BLTP1: variants seen among roughly 807,000 people sequenced by gnomAD.
BLTP1 encodes the protein bridge-like lipid transfer protein family member 1, also known as fragile site-associated protein.
At chr4:122,182,909 A>G in the BLTP1 span, 4 of 985,116 alleles carry the variant, frequency 4.1e-6, no homozygotes, top group Non-Finnish European at 3.6e-6. Flanking sequence ...ATTTTTATCA[A>G]AAACCACCTC....
the BLTP1 span, chr4:122,152,374 C>T: frequency 1.0e-6 from 1 of 985,840 alleles, no homozygotes; most frequent in Non-Finnish European, 1.2e-6. Flanking sequence ...CCTCCTCCTC[C>T]GCCCCCTTGG....
At chr4:122,190,127 GACTCTGTC>G in the BLTP1 span, 1 of 1,596,960 alleles carries the variant, frequency 6.3e-7, no homozygotes, top group Non-Finnish European at 8.6e-7. Context: ...GACAGAGTGA[GACTCTGTC>G]ACACAGGCTG....
At chr4:122,218,822 A>G in the BLTP1 span, among the ~76,000 whole-genome samples, 1 of 152,254 alleles carries the variant, frequency 6.6e-6, no homozygotes, top group South Asian at 2.1e-4. Flanking sequence ...TTGGTAACAC[A>G]TGCCTTTATC....
the BLTP1 span, chr4:122,196,611 A>G: frequency 1.3e-6 from 2 of 1,572,012 alleles, no homozygotes; most frequent in Admixed American, 3.7e-5. Flanking sequence ...ACATGTCATT[A>G]TTCTTTCTAC....
chr4:122,301,368 C>T, the BLTP1 span: 2 of 1,599,170 alleles, frequency 1.3e-6, no homozygotes, highest in Non-Finnish European at 1.7e-6. Context: ...ACCTAAAATT[C>T]TCCTCTATTC....
At chr4:122,294,582 A>G in the BLTP1 span, among the ~76,000 whole-genome samples, 2 of 152,302 alleles carry the variant, frequency 1.3e-5, no homozygotes, top group Non-Finnish European at 1.5e-5. Context: ...CATCAACCAA[A>G]AAGCCCCACA....
At chr4:122,188,818 T>G in the BLTP1 span, 89,692 of 337,510 alleles carry the variant, frequency 0.27, 13,259 homozygotes, top group South Asian at 0.47. Flanking sequence ...GTCTCAGCTT[T>G]TATCTTTGTG....
chr4:122,182,972 G>T, the BLTP1 span: 2 of 984,328 alleles, frequency 2.0e-6, no homozygotes, highest in Non-Finnish European at 2.4e-6. Flanking sequence ...GTGTATTCTG[G>T]TGAGGAGCAA....
At chr4:122,327,116 G>GTTTTC in the BLTP1 span, among the ~76,000 whole-genome samples, 15 of 151,418 alleles carry the variant, frequency 9.9e-5, no homozygotes, top group African/African-American at 3.6e-4. Context: ...GTTTTGTTTT[G>GTTTTC]TTTTGTTTTG....
the BLTP1 span, chr4:122,245,957 C>T: frequency 4.8e-6 from 1 of 208,766 alleles, no homozygotes; most frequent in Non-Finnish European, 8.3e-6. Context: ...ATGTGTATTA[C>T]TTTTCTCAAC....
the BLTP1 span, among the ~76,000 whole-genome samples, chr4:122,193,171 C>T: frequency 2.0e-5 from 3 of 152,272 alleles, no homozygotes; most frequent in South Asian, 4.1e-4. Context: ...CTTAAGACCC[C>T]ATCTCCAAAT....
chr4:122,214,383 G>A, the BLTP1 span: 6 of 955,448 alleles, frequency 6.3e-6, no homozygotes, highest in South Asian at 1.5e-4. Flanking sequence ...ACATTTTCTC[G>A]GTTCTATAAG....
the BLTP1 span, among the ~76,000 whole-genome samples, chr4:122,334,833 C>G: frequency 6.6e-6 from 1 of 151,898 alleles, no homozygotes; most frequent in African/African-American, 2.4e-5. Context: ...TTATGTAGCT[C>G]AAATTTGGGA....
At chr4:122,299,072 C>G in the BLTP1 span, 2 of 977,934 alleles carry the variant, frequency 2.0e-6, no homozygotes, top group African/African-American at 3.7e-5. Flanking sequence ...ATATATGGCC[C>G]TTCCCCTTAA....
At chr4:122,355,521 A>G in the BLTP1 span, among the ~76,000 whole-genome samples, 4 of 149,702 alleles carry the variant, frequency 2.7e-5, no homozygotes, top group African/African-American at 9.8e-5. Flanking sequence ...GGTCTTGACA[A>G]CAGTGAGCTA....
At chr4:122,243,917 A>G in the BLTP1 span, 13 of 1,610,600 alleles carry the variant, frequency 8.1e-6, no homozygotes, top group African/African-American at 1.3e-5. Flanking sequence ...CATTAACAGA[A>G]GAGTGGACCC....
At chr4:122,255,262 C>T in the BLTP1 span, 4 of 1,603,612 alleles carry the variant, frequency 2.5e-6, no homozygotes, top group South Asian at 3.3e-5. Flanking sequence ...CAAATTACTC[C>T]ATCATTGATG....
chr4:122,155,478 C>T, the BLTP1 span, among the ~76,000 whole-genome samples: 1 of 152,032 alleles, frequency 6.6e-6, no homozygotes, highest in African/African-American at 2.4e-5. Context: ...CATGTGCCAC[C>T]ACGCCTGGCC....
the BLTP1 span, chr4:122,310,978 C>CT: frequency 2.7e-6 from 2 of 745,040 alleles, no homozygotes; most frequent in Non-Finnish European, 3.3e-6. Flanking sequence ...TTATACATGG[C>CT]TTTTTAAAAA....
Sources: allele counts gnomAD v4.1 joint callset (sites outside exome capture counted in the v4.1 genomes callset), GRCh38; gene constraint gnomAD v4.1.1; transcripts MANE v1.5; gene names NCBI Gene and HGNC (gene_info 2026-07-23, HGNC 2026-07-21).